Variants in ZBTB7C observed in about 807,000 individuals in gnomAD.
ZBTB7C encodes zinc finger and BTB domain containing 7C.
Under a neutral mutation model 25.7 loss-of-function variants are expected in ZBTB7C, and 8 were observed. The observed-to-expected ratio is 0.31, with a 90% confidence interval of 0.18 to 0.56. The LOEUF (loss-of-function observed/expected upper bound fraction) is 0.56. Among genes scored for constraint, ZBTB7C ranks in the 20% least tolerant of loss-of-function variants. The probability of loss-of-function intolerance (pLI) is 0.91; values close to 1 mark genes in which losing one functional copy is unlikely to be tolerated. For missense variants in ZBTB7C, 824 were observed against 855.2 expected (o/e 0.96, Z 0.46); for synonymous variants, 394 against 369.0 (o/e 1.07, Z -0.78).
At chr18:48,087,362 G>A (rs1362291543) in intron 3 of ZBTB7C, among the ~76,000 whole-genome samples, 5 of 152,230 alleles carry the variant, frequency 3.3e-5, no homozygotes, top group Admixed American at 6.5e-5. Context: ...CTGCTGGCTA[G>A]GGCCAGGGAG....
chr18:48,218,132 T>C (rs2042868886), intron 2 of ZBTB7C, among the ~76,000 whole-genome samples: 1 of 152,098 alleles, frequency 6.6e-6, no homozygotes, highest in South Asian at 2.1e-4. Context: ...CCGGGGTGGC[T>C]CACTAGACCT....
At chr18:48,247,913 T>C (rs768869226) in intron 2 of ZBTB7C, among the ~76,000 whole-genome samples, 9 of 152,204 alleles carry the variant, frequency 5.9e-5, no homozygotes, top group Non-Finnish European at 8.8e-5. Flanking sequence ...TCACCTTGAA[T>C]TGTAACAATC....
At chr18:48,095,369 G>A (rs1411552950) in intron 3 of ZBTB7C, among the ~76,000 whole-genome samples, 3 of 152,156 alleles carry the variant, frequency 2.0e-5, no homozygotes, top group East Asian at 3.9e-4. Flanking sequence ...CTATTTGAGA[G>A]GAGAGCCCTG....
At chr18:48,068,445 T>G (rs1372241199) in intron 3 of ZBTB7C, among the ~76,000 whole-genome samples, 1 of 151,976 alleles carries the variant, frequency 6.6e-6, no homozygotes, top group Non-Finnish European at 1.5e-5. Flanking sequence ...GGCTGAGCCT[T>G]GTCTAAGTCT....
intron 3 of ZBTB7C, among the ~76,000 whole-genome samples, chr18:48,162,038 T>C (rs1038084037): frequency 6.6e-6 from 1 of 152,058 alleles, no homozygotes; most frequent in African/African-American, 2.4e-5. Context: ...GGACCCGCAC[T>C]GACCCCGCAG....
intron 2 of ZBTB7C, among the ~76,000 whole-genome samples, chr18:48,234,394 A>C (rs1331980159): frequency 6.6e-6 from 1 of 152,212 alleles, no homozygotes; most frequent in Non-Finnish European, 1.5e-5. Context: ...TATGATGAAA[A>C]ATAGGTTTCT....
intron 2 of ZBTB7C, among the ~76,000 whole-genome samples, chr18:48,263,232 A>G (rs962243108): frequency 2.0e-5 from 3 of 152,102 alleles, no homozygotes; most frequent in African/African-American, 7.2e-5. Flanking sequence ...ACCATCCCCC[A>G]CACTCTGACT....
Position 48,315,401 on chromosome 18 carries a change from A to C in ZBTB7C, c.-79+22773T>G, listed in dbSNP as rs1475536221. 2.0e-5 allele frequency among the ~76,000 whole-genome samples: 3 copies of C among 152,086 alleles called. No homozygotes were observed. In the East Asian group the frequency reaches 5.8e-4, roughly 29 times the overall value. ...GATCACGTATCTGGATTCTCAATGGAGTGACGGTCCTCCCCACAGGGACTC... is the reference window on the plus strand; with the variant it reads ...GATCACGTATCTGGATTCTCAATGGCGTGACGGTCCTCCCCACAGGGACTC... On this transcript the variant is annotated intron_variant, in intron 2 of 4. Transcript: ENST00000590800.
intron 2 of ZBTB7C, among the ~76,000 whole-genome samples, chr18:48,208,289 T>C (rs902055504): frequency 6.6e-6 from 1 of 152,108 alleles, no homozygotes; most frequent in Non-Finnish European, 1.5e-5. Flanking sequence ...GTTCCTTTAC[T>C]TTTGGAGTGT....
At chr18:48,065,139 C>A (rs746404679) in intron 3 of ZBTB7C, among the ~76,000 whole-genome samples, 1 of 151,832 alleles carries the variant, frequency 6.6e-6, no homozygotes, top group African/African-American at 2.4e-5. Flanking sequence ...CCCTGTCCAG[C>A]GAGCGCATGC....
At chr18:48,226,813 G>A (rs2043107562) in intron 2 of ZBTB7C, among the ~76,000 whole-genome samples, 1 of 152,308 alleles carries the variant, frequency 6.6e-6, no homozygotes, top group South Asian at 2.1e-4. Flanking sequence ...GAATTCAGGA[G>A]ATTGAGATGA....
At chr18:48,229,237 T>C (rs1380032061) in intron 2 of ZBTB7C, among the ~76,000 whole-genome samples, 1 of 152,164 alleles carries the variant, frequency 6.6e-6, no homozygotes, top group East Asian at 1.9e-4. Flanking sequence ...CCCACTCTGG[T>C]GACTTCAAAA....
chr18:48,343,787 GC>G lies in ZBTB7C; in HGVS notation c.-303-5390del, dbSNP rs1385391382. 3.9e-5 allele frequency among the ~76,000 whole-genome samples: 6 copies of G among 151,930 alleles called. No individual in the cohort carries two copies. The South Asian group carries it at 1.2e-3, about 32-fold the overall frequency. On this transcript the variant is annotated intron_variant, in intron 1 of 4. Coordinates refer to ENST00000590800, the MANE Select transcript of ZBTB7C (RefSeq NM_001318841.2). ...CTGGATTTTGGAACTTCCTTAACAG[GC>G]CCCCTCCTCTCTCCCAACCTCTCTA...
rs184049061 is a variant in ZBTB7C at position 48,378,787 on chromosome 18, A to G, written c.-304+30439T>C. Among the ~76,000 whole-genome samples the G allele has an allele frequency of 1.1e-3, 164 of 152,330 alleles. 1 individual carries two copies. Among genetic ancestry groups the G allele is most frequent in the African/African-American group, 3.9e-3 (161 of 41,582 alleles). On this transcript the variant is annotated intron_variant, in intron 1 of 4. Transcript: ENST00000590800. ...TAAAATGAACATTCAGAGAATAGAAACAAAAATTCTTGTAAATTAAAAATA... is the reference window on the plus strand; with the variant it reads ...TAAAATGAACATTCAGAGAATAGAAGCAAAAATTCTTGTAAATTAAAAATA...
chr18:48,249,538 T>C (rs940393932), intron 2 of ZBTB7C, among the ~76,000 whole-genome samples: 4 of 152,242 alleles, frequency 2.6e-5, no homozygotes, highest in Non-Finnish European at 5.9e-5. Context: ...ACTCCCAGCA[T>C]GTATTACATT....
At chr18:48,377,370 A>G (rs574095459) in intron 1 of ZBTB7C, among the ~76,000 whole-genome samples, 7 of 152,220 alleles carry the variant, frequency 4.6e-5, no homozygotes, top group African/African-American at 9.7e-5. Flanking sequence ...TGCAAAGTCT[A>G]TGTGAACTCA....
chr18:48,183,949 G>A (rs1048551665), intron 3 of ZBTB7C, among the ~76,000 whole-genome samples: 5 of 152,120 alleles, frequency 3.3e-5, no homozygotes, highest in South Asian at 2.1e-4. Flanking sequence ...TCCTTGACAA[G>A]TGTTTCCTAA....
chr18:48,066,594 G>A (rs1215262022), intron 3 of ZBTB7C, among the ~76,000 whole-genome samples: 4 of 152,076 alleles, frequency 2.6e-5, no homozygotes, highest in Non-Finnish European at 5.9e-5. Context: ...CCACTGGGAG[G>A]CCTCCCAACT....
At chr18:48,041,219 G>C (rs72918159) in intron 3 of ZBTB7C, 96 bp from the exon 4 acceptor site, 138,812 of 1,454,438 alleles carry the variant, frequency 0.095, 7,138 homozygotes, top group South Asian at 0.11. Flanking sequence ...TGGCATAAGG[G>C]CTCCCTGTCC....
Sources: allele counts gnomAD v4.1 joint callset (sites outside exome capture counted in the v4.1 genomes callset), GRCh38; gene constraint gnomAD v4.1.1; transcripts MANE v1.5; gene names NCBI Gene and HGNC (gene_info 2026-07-23, HGNC 2026-07-21).